Variants in ARHGEF9 observed in about 807,000 individuals in gnomAD.
The protein encoded by ARHGEF9 is rho guanine nucleotide exchange factor 9.
A neutral mutation model predicts 41.3 loss-of-function variants in ARHGEF9; 2 were observed. That is an observed-to-expected ratio of 0.05 (90% CI 0.02 to 0.15). The LOEUF (loss-of-function observed/expected upper bound fraction) is 0.15. Ranked by LOEUF, ARHGEF9 falls within the 10% of genes least tolerant of loss-of-function variation. The probability of loss-of-function intolerance (pLI) is 1.00; values close to 1 mark genes in which losing one functional copy is unlikely to be tolerated. For missense variants in ARHGEF9, 225 were observed against 424.7 expected (o/e 0.53, Z 4.13); for synonymous variants, 160 against 154.4 (o/e 1.04, Z -0.27).
chrX:63,766,273 T>A (rs1306455373), intron 1 of ARHGEF9, among the ~76,000 whole-genome samples: 1 of 111,821 alleles, frequency 8.9e-6, no homozygotes, highest in Non-Finnish European at 1.9e-5. Context: ...GTATGCACAC[T>A]GAGAGGAGGA....
intron 4 of ARHGEF9, among the ~76,000 whole-genome samples, chrX:63,682,387 C>T (rs1402254792): frequency 7.3e-5 from 8 of 109,489 alleles, no homozygotes; most frequent in East Asian, 2.9e-4. Context: ...TGGTGGCGGG[C>T]GCCTGTAGTC....
intron 1 of ARHGEF9, among the ~76,000 whole-genome samples, chrX:63,776,077 A>G (rs2056289029): frequency 9.0e-6 from 1 of 110,874 alleles, no homozygotes; most frequent in African/African-American, 3.3e-5. Flanking sequence ...AGCCCAGTAC[A>G]TTTTGTGTGG....
chrX:63,640,328 T>G (rs1165055677), intron 9 of ARHGEF9: 4 of 112,476 alleles, frequency 3.6e-5, no homozygotes, highest in African/African-American at 9.7e-5. Context: ...TGATCTGATA[T>G]GTCCACCCTT....
At chrX:63,751,728 G>T (rs1569503429) in intron 1 of ARHGEF9, among the ~76,000 whole-genome samples, 1 of 111,839 alleles carries the variant, frequency 8.9e-6, no homozygotes, top group Non-Finnish European at 1.9e-5. Flanking sequence ...CAGCATTTGT[G>T]AAATCCTTAT....
intron 1 of ARHGEF9, chrX:63,767,530 C>A: frequency 9.0e-6 from 2 of 221,597 alleles, no homozygotes; most frequent in Non-Finnish European, 1.7e-5. Context: ...CCCTTTGCAG[C>A]TAATTAAGAT....
chrX:63,764,113 A>G (rs781921232), intron 1 of ARHGEF9, among the ~76,000 whole-genome samples: 2 of 112,407 alleles, frequency 1.8e-5, no homozygotes, highest in Non-Finnish European at 3.8e-5. Context: ...AACTTAAACA[A>G]ATTTACAAGG....
intron 2 of ARHGEF9, among the ~76,000 whole-genome samples, chrX:63,709,771 T>C (rs1438559516): frequency 8.9e-6 from 1 of 111,857 alleles, no homozygotes. Flanking sequence ...CTATTTTCCG[T>C]CCACAAATAT....
chrX:63,720,765 T>C (rs2053589886), intron 2 of ARHGEF9, among the ~76,000 whole-genome samples: 1 of 112,400 alleles, frequency 8.9e-6, no homozygotes, highest in African/African-American at 3.2e-5. Context: ...CCTTGGGAGA[T>C]AATTTATCCT....
Position 63,695,527 on chromosome X carries a change from T to A in ARHGEF9, c.582+1598A>T, listed in dbSNP as rs2051680833. 2.7e-5 allele frequency among the ~76,000 whole-genome samples: 3 copies of A among 112,070 alleles called. No individual in the cohort carries two copies. The South Asian group carries it at 1.1e-3, about 42-fold the overall frequency. On this transcript the variant is annotated intron_variant, in intron 4 of 9. Transcript: ENST00000671741. ...TACATTCAAGAATGGAACCAGAAGG[T>A]CATACACATCCTTAACATTTATAAA... is the stretch of plus-strand genomic sequence containing the variant.
chrX:63,756,989 A>G (rs1170731182), intron 1 of ARHGEF9, among the ~76,000 whole-genome samples: 2 of 112,020 alleles, frequency 1.8e-5, no homozygotes, highest in East Asian at 5.6e-4. Context: ...TACCTTTCGT[A>G]ACTTTTCTCC....
At chrX:63,765,280 C>T (rs2056095437) in intron 1 of ARHGEF9, among the ~76,000 whole-genome samples, 1 of 110,516 alleles carries the variant, frequency 9.0e-6, no homozygotes, top group Non-Finnish European at 1.9e-5. Context: ...TGCTGGGGCT[C>T]AGTGCTGCCC....
At chrX:63,713,494 C>T (rs183645752) in intron 2 of ARHGEF9, among the ~76,000 whole-genome samples, 125 of 109,902 alleles carry the variant, frequency 1.1e-3, no homozygotes, top group African/African-American at 4.1e-3. Flanking sequence ...AATAAAGTTG[C>T]CAGCCAAAAA....
At chrX:63,685,001 G>T (rs2050894991) in intron 4 of ARHGEF9, among the ~76,000 whole-genome samples, 1 of 110,273 alleles carries the variant, frequency 9.1e-6, no homozygotes, top group Non-Finnish European at 1.9e-5. Context: ...GAAGATATAA[G>T]TCAAAGGGCA....
intron 4 of ARHGEF9, among the ~76,000 whole-genome samples, chrX:63,691,404 A>T (rs1170098466): frequency 1.8e-5 from 2 of 110,575 alleles, no homozygotes; most frequent in Non-Finnish European, 3.8e-5. Flanking sequence ...ATTTAAAAAA[A>T]AATAGGAATA....
intron 4 of ARHGEF9, among the ~76,000 whole-genome samples, chrX:63,689,090 T>C (rs1375674106): frequency 2.4e-4 from 26 of 109,913 alleles, no homozygotes; most frequent in African/African-American, 7.9e-4. Flanking sequence ...TACAAAACAA[T>C]CAGAAAATAA....
intron 1 of ARHGEF9, among the ~76,000 whole-genome samples, chrX:63,780,102 T>A (rs1255871191): frequency 1.8e-5 from 2 of 111,853 alleles, no homozygotes; most frequent in Admixed American, 1.9e-4. Flanking sequence ...TAGATTTTCT[T>A]GAGCTTTAGC....
chrX:63,636,829 A>C lies in ARHGEF9; in HGVS notation c.*1199T>G. On this transcript the variant is annotated 3_prime_UTR_variant, in exon 10 of 10. Coordinates refer to ENST00000671741, the MANE Select transcript of ARHGEF9 (RefSeq NM_001353921.2). ...TTACTATCAGACTTGGACCCTGTCC[A>C]GGTCAATAATTTGAAGGTAGCTGAT... 3 of 297,515 alleles carry C rather than the reference A, an allele frequency of 1.0e-5. No homozygotes were observed. Among genetic ancestry groups the C allele is most frequent in the Non-Finnish European group, 1.8e-5 (3 of 170,299 alleles). 24.5% of individuals were successfully genotyped at this position (297,515 alleles called of 1,213,427 possible).
chrX:63,755,891 A>G (rs1569505139), intron 1 of ARHGEF9: 2 of 748,286 alleles, frequency 2.7e-6, no homozygotes, highest in East Asian at 1.5e-4. Context: ...TTAGCTTGCA[A>G]TTTTCCAGCA....
At chrX:63,645,708 T>C (rs1333700223) in intron 8 of ARHGEF9, among the ~76,000 whole-genome samples, 2 of 112,080 alleles carry the variant, frequency 1.8e-5, no homozygotes, top group African/African-American at 6.5e-5. Flanking sequence ...TGTGTCTTTA[T>C]AGTAGCATGA....
Sources: gnomAD v4.1 joint callset for allele counts (sites outside exome capture counted in the v4.1 genomes callset) on GRCh38, gnomAD v4.1.1 for gene constraint, MANE v1.5 for transcripts, NCBI Gene and HGNC (gene_info 2026-07-23, HGNC 2026-07-21) for gene names.